The following TRIML2 variants were observed in gnomAD, a reference collection of about 807,000 sequenced individuals.
The protein encoded by TRIML2 is tripartite motif family like 2.
In TRIML2, 28 loss-of-function variants were observed where a neutral mutation model predicts 31.2. The ratio of observed to expected loss-of-function variants is 0.90; its 90% CI spans 0.66 to 1.23. TRIML2 has a LOEUF of 1.23. TRIML2 is among the 50% of genes most tolerant of loss of function. The pLI, the probability that TRIML2 is intolerant of heterozygous loss-of-function variation, is 0.00. For synonymous variants in TRIML2, 187 were observed against 197.5 expected (o/e 0.95, Z 0.45); for missense variants, 536 against 528.3 (o/e 1.01, Z -0.14).
Position 188,105,478 on chromosome 4 carries a change from C to G in TRIML2, c.-110G>C, listed in dbSNP as rs1733987744. 2.6e-6 allele frequency: 2 copies of G among 775,600 alleles called. No homozygotes were observed. The highest frequency in any genetic ancestry group is 3.8e-6 in the Non-Finnish European group (2 of 520,370). 48.0% of individuals were successfully genotyped at this position (775,600 alleles called of 1,614,324 possible). A position where few individuals can be genotyped will look rare whatever the true frequency, so the allele number is the denominator to read the frequency against. On this transcript the variant is annotated 5_prime_UTR_variant, in exon 2 of 8. Transcript: ENST00000682553. ...CTTCCTTTGTTTTCTGGAGCAGGCA[C>G]ACACACTTGGCAACTTCAGAGTCCA...
chr4:188,105,461 G>C lies in TRIML2; in HGVS notation c.-93C>G. 1.1e-6 allele frequency: 1 copy of C among 938,780 alleles called. No individual in the cohort carries two copies. The highest frequency in any genetic ancestry group is 1.5e-6 in the Non-Finnish European group (1 of 669,956). 58.2% of individuals were successfully genotyped at this position (938,780 alleles called of 1,614,324 possible). On this transcript the variant is annotated 5_prime_UTR_variant, in exon 2 of 8. Coordinates refer to ENST00000682553, the MANE Select transcript of TRIML2 (RefSeq NM_173553.4). ...ATGAGAAAAAATGGTGGCTTCCTTT[G>C]TTTTCTGGAGCAGGCACACACACTT...
chr4:188,101,715 A>G (rs1422413477), intron 3 of TRIML2, among the ~76,000 whole-genome samples: 2 of 151,992 alleles, frequency 1.3e-5, no homozygotes, highest in Non-Finnish European at 2.9e-5. Flanking sequence ...AAACAAAAAA[A>G]GACGAGGAAA....
chr4:188,105,357 C>T lies in TRIML2; in HGVS notation c.12G>A (p.Arg4=). The stretch of plus-strand genomic sequence containing the variant: ...TGTTGTGCTGTAACTGAGGGCTGAG[C>T]CTTTTGGACATCCTGGTAGGGGTCC... MSK[R]LSPQLQHNIT... The change falls in exon 2 of 8, where the codon AGG becomes AGA. Residue 4 remains arginine, a synonymous_variant. Coordinates refer to ENST00000682553, the MANE Select transcript of TRIML2 (RefSeq NM_173553.4). The T allele has an allele frequency of 6.3e-7, 1 of 1,581,922 alleles. No individual in the cohort carries two copies.
At chr4:188,096,244 C>CA (rs1441555761) in intron 7 of TRIML2, among the ~76,000 whole-genome samples, 1 of 137,348 alleles carries the variant, frequency 7.3e-6, no homozygotes, top group African/African-American at 2.7e-5. Context: ...ACCATAAATA[C>CA]AAAAAATTAG....
intron 7 of TRIML2, among the ~76,000 whole-genome samples, chr4:188,092,252 G>C (rs1353268899): frequency 1.3e-5 from 2 of 152,012 alleles, no homozygotes; most frequent in African/African-American, 4.8e-5. Flanking sequence ...ACGAGGTCAG[G>C]AGTTCAAGAC....
chr4:188,094,731 A>G (rs1733426147), intron 7 of TRIML2, among the ~76,000 whole-genome samples: 2 of 152,246 alleles, frequency 1.3e-5, no homozygotes. Flanking sequence ...GATTCAATGT[A>G]ATATGAATAA....
intron 2 of TRIML2, 88 bp from the exon 3 acceptor site, chr4:188,105,020 A>AT: frequency 7.1e-7 from 1 of 1,405,808 alleles, no homozygotes; most frequent in Non-Finnish European, 1.0e-6. Context: ...CTCTGAGTAT[A>AT]TATTTTCTTA....
intron 7 of TRIML2, among the ~76,000 whole-genome samples, chr4:188,095,709 T>C (rs1381912869): frequency 6.6e-6 from 1 of 152,200 alleles, no homozygotes; most frequent in African/African-American, 2.4e-5. Flanking sequence ...ATCCCACCCT[T>C]AGACAGTCAA....
Position 188,105,277 on chromosome 4 carries a change from T to A in TRIML2, c.92A>T (p.Asp31Val), listed in dbSNP as rs753439996. 2.5e-6 allele frequency: 4 copies of A among 1,612,748 alleles called. No homozygotes were observed. Among genetic ancestry groups the A allele is most frequent in the Admixed American group, 3.3e-5 (2 of 59,982 alleles). The change falls in exon 2 of 8, where the codon GAT (aspartate) becomes GTT (valine). Residue 31 changes from aspartate (D) to valine (V), a missense_variant. Coordinates refer to ENST00000682553, the MANE Select transcript of TRIML2 (RefSeq NM_173553.4). ...GCTGCAGAGTGTGATTTGGTCAACA[T>A]CACAGAACAGCCGTGTTGGTTCCAG... ...THLEPTRLFCDVDQITLCSKC... is the reference protein window; with the variant it reads ...THLEPTRLFCVVDQITLCSKC...
At chr4:188,095,713 C>G (rs1376805700) in intron 7 of TRIML2, among the ~76,000 whole-genome samples, 1 of 152,180 alleles carries the variant, frequency 6.6e-6, no homozygotes, top group African/African-American at 2.4e-5. Context: ...CACCCTTAGA[C>G]AGTCAATCAA....
intron 4 of TRIML2, among the ~76,000 whole-genome samples, chr4:188,099,742 G>T (rs1382665910): frequency 1.3e-5 from 2 of 152,144 alleles, no homozygotes. Context: ...ACAGATGTGT[G>T]TGCACGCAGC....
chr4:188,097,782 C>T (rs1053042614), intron 5 of TRIML2, among the ~76,000 whole-genome samples: 2 of 152,092 alleles, frequency 1.3e-5, no homozygotes, highest in African/African-American at 4.8e-5. Flanking sequence ...CAGATGAGCG[C>T]ATTCATTGCA....
At chr4:188,103,213 G>A (rs940732894) in intron 3 of TRIML2, among the ~76,000 whole-genome samples, 16 of 151,910 alleles carry the variant, frequency 1.1e-4, no homozygotes, top group African/African-American at 3.9e-4. Flanking sequence ...TGTTAGCCAG[G>A]ATGGTCTCGA....
At position 188,097,179 on chromosome 4, in the gene TRIML2, C is replaced by G; in HGVS notation, c.645-18G>C. On this transcript the variant is annotated intron_variant, in intron 6 of 7. Transcript: ENST00000682553. ...ACTTGCTCCTGAAGAGAAAGGACAG[C>G]CTCAGTCATCTGCACAGACCACAGG... The G allele has an allele frequency of 6.2e-7, 1 of 1,610,992 alleles. No individual in the cohort carries two copies. The highest frequency in any genetic ancestry group is 8.5e-7 in the Non-Finnish European group (1 of 1,177,202).
intron 1 of TRIML2, among the ~76,000 whole-genome samples, chr4:188,108,160 C>G (rs1451046348): frequency 6.6e-6 from 1 of 152,176 alleles, no homozygotes; most frequent in Non-Finnish European, 1.5e-5. Flanking sequence ...CTCTGAACCT[C>G]TCAATCTTGG....
intron 3 of TRIML2, among the ~76,000 whole-genome samples, chr4:188,101,864 T>C (rs12503656): frequency 0.8 from 121,648 of 151,562 alleles, 49,410 homozygotes; most frequent in African/African-American, 0.94. Context: ...GGCGCGGTGG[T>C]TCACGCCTGT....
At position 188,102,849 on chromosome 4, in the gene TRIML2, C is replaced by CAA. The variant is rs566736942; in HGVS notation, c.286-1601_286-1600dup. Among the ~76,000 whole-genome samples, 746 of 83,364 alleles carry CAA rather than the reference C, an allele frequency of 8.9e-3. 11 individuals carry two copies. Among genetic ancestry groups the CAA allele is most frequent in the Middle Eastern group, 0.077 (10 of 130 alleles). 54.7% of individuals were successfully genotyped at this position (83,364 alleles called of 152,430 possible). On this transcript the variant is annotated intron_variant, in intron 3 of 7. Coordinates refer to ENST00000682553, the MANE Select transcript of TRIML2 (RefSeq NM_173553.4). ...GGGTAACAAGAACGAAACTTCATCT[C>CAA]AAAAAAAAAAAAAAAAAGATTCAAT...
Position 188,097,123 on chromosome 4 carries a change from T to C in TRIML2, c.683A>G (p.His228Arg), listed in dbSNP as rs1016674467. 1 of 1,614,160 alleles carries C rather than the reference T, an allele frequency of 6.2e-7. No homozygotes were observed. The highest frequency in any genetic ancestry group is 1.3e-5 in the African/African-American group (1 of 75,040). ...SLLLEHLEPA[H>R]ITDLSLCHIR... ...GTGGCATAAACTCAGGTCTGTGATA[T>C]GAGCGGGCTCCAGATGCTCAAGCAG... is the stretch of plus-strand genomic sequence containing the variant. Residue 228 changes from histidine (H) to arginine (R), a missense_variant, in exon 7 of 8, where the codon CAT (histidine) becomes CGT (arginine). Physicochemically the swap from His to Arg is conservative, Grantham distance 29 (BLOSUM62 0). Transcript: ENST00000682553.
At chr4:188,100,365 C>T (rs11929983) in intron 4 of TRIML2, among the ~76,000 whole-genome samples, 420 of 152,222 alleles carry the variant, frequency 2.8e-3, no homozygotes, top group African/African-American at 9.8e-3. Flanking sequence ...AGCAGCAGGT[C>T]GTAGGCCACC....
Sources: allele counts gnomAD v4.1 joint callset (sites outside exome capture counted in the v4.1 genomes callset), GRCh38; gene constraint gnomAD v4.1.1; transcripts MANE v1.5; gene names NCBI Gene and HGNC (gene_info 2026-07-23, HGNC 2026-07-21).